Variants in SOX6 observed in about 807,000 individuals in gnomAD.
The protein encoded by SOX6 is transcription factor SOX-6.
SOX6 carries 11 observed loss-of-function variants against 97.8 expected under a neutral mutation model. The observed-to-expected ratio is 0.11, with a 90% CI of 0.07 to 0.19. The LOEUF (loss-of-function observed/expected upper bound fraction) is 0.19, where lower values mean the gene tolerates loss of function less well. Among genes scored for constraint, SOX6 ranks in the 10% least tolerant of loss-of-function variants. The pLI is 1.00. For synonymous variants in SOX6, 360 were observed against 371.4 expected (o/e 0.97, Z 0.35); for missense variants, 810 against 1,039.5 (o/e 0.78, Z 3.04).
At chr11:16,049,127 A>G (rs80054931) in intron 11 of SOX6, among the ~76,000 whole-genome samples, 1,841 of 152,282 alleles carry the variant, frequency 0.012, 36 homozygotes, top group African/African-American at 0.041. Context: ...TCTTGGGGTC[A>G]CATAGCTAGA....
intron 4 of SOX6, among the ~76,000 whole-genome samples, chr11:16,226,801 C>G (rs1292059461): frequency 6.6e-6 from 1 of 152,056 alleles, no homozygotes; most frequent in Non-Finnish European, 1.5e-5. Flanking sequence ...ACTGTATTAT[C>G]TATATCACTC....
chr11:16,573,337 T>G (rs1847955123), intron 4 of SOX6, among the ~76,000 whole-genome samples: 1 of 152,330 alleles, frequency 6.6e-6, no homozygotes, highest in East Asian at 1.9e-4. Context: ...TATTTTAATG[T>G]AAAACAATGC....
At chr11:16,497,181 T>C (rs553936402) in intron 4 of SOX6, among the ~76,000 whole-genome samples, 4 of 152,298 alleles carry the variant, frequency 2.6e-5, no homozygotes, top group African/African-American at 9.6e-5. Context: ...TTCTGCAGCC[T>C]CTGTTGCTGA....
At chr11:16,105,666 T>C (rs1849060651) in intron 7 of SOX6, among the ~76,000 whole-genome samples, 2 of 152,136 alleles carry the variant, frequency 1.3e-5, no homozygotes, top group Admixed American at 1.3e-4. Flanking sequence ...TAATGTTCAC[T>C]TTCACTGCTG....
intron 1 of SOX6, among the ~76,000 whole-genome samples, chr11:16,376,753 C>T (rs1857651876): frequency 1.3e-5 from 2 of 151,986 alleles, no homozygotes; most frequent in South Asian, 4.2e-4. Context: ...ACTTAAATTT[C>T]CCCCAGGCAA....
chr11:16,099,659 G>C (rs1848891798), intron 7 of SOX6, among the ~76,000 whole-genome samples: 1 of 150,062 alleles, frequency 6.7e-6, no homozygotes, highest in Non-Finnish European at 1.5e-5. Context: ...AGAATTCCCT[G>C]GGGCACTCCT....
At chr11:16,094,597 G>A (rs755042225) in intron 9 of SOX6, among the ~76,000 whole-genome samples, 3 of 151,900 alleles carry the variant, frequency 2.0e-5, no homozygotes, top group Non-Finnish European at 4.4e-5. Context: ...ACTGTCCTGA[G>A]TAGATAAGCT....
At chr11:16,289,260 T>C (rs979005280) in intron 3 of SOX6, among the ~76,000 whole-genome samples, 2 of 151,936 alleles carry the variant, frequency 1.3e-5, no homozygotes, top group African/African-American at 2.4e-5. Flanking sequence ...ATTAACAATT[T>C]CATACAACTC....
chr11:16,332,320 A>G (rs1856331192), intron 2 of SOX6, among the ~76,000 whole-genome samples: 1 of 152,268 alleles, frequency 6.6e-6, no homozygotes, highest in East Asian at 1.9e-4. Flanking sequence ...AAAAATTGAT[A>G]AATAAAAGTA....
At chr11:16,402,691 C>T (rs1858592422) in intron 1 of SOX6, 1 of 1,611,170 alleles carries the variant, frequency 6.2e-7, no homozygotes, top group East Asian at 2.2e-5. Flanking sequence ...TCCACCCACT[C>T]CTGTTTCACC....
intron 9 of SOX6, among the ~76,000 whole-genome samples, chr11:16,066,949 G>T (rs909386849): frequency 6.6e-6 from 1 of 151,984 alleles, no homozygotes; most frequent in African/African-American, 2.4e-5. Context: ...TTTAAGATTT[G>T]ACTGCCCTGC....
intron 9 of SOX6, among the ~76,000 whole-genome samples, chr11:16,076,857 C>A (rs1198789157): frequency 6.6e-6 from 1 of 150,428 alleles, no homozygotes; most frequent in East Asian, 2.0e-4. Flanking sequence ...GGGTTCACGC[C>A]ATTCTCCTGC....
chr11:16,014,800 T>C (rs1854832617), intron 13 of SOX6, 142 bp downstream of exon 13: 6 of 760,234 alleles, frequency 7.9e-6, no homozygotes, highest in Non-Finnish European at 1.4e-5. Context: ...ACATACGTAG[T>C]TGAAGAGTGA....
intron 3 of SOX6, among the ~76,000 whole-genome samples, chr11:16,699,374 C>T (rs1404971679): frequency 2.0e-5 from 3 of 152,124 alleles, no homozygotes; most frequent in Non-Finnish European, 2.9e-5. Flanking sequence ...CAGAACATCA[C>T]GCTGCCACCA....
intron 6 of SOX6, among the ~76,000 whole-genome samples, chr11:16,135,645 T>G (rs995382723): frequency 6.6e-6 from 1 of 152,208 alleles, no homozygotes. Context: ...AAAACCTTAA[T>G]GGATGTGAAG....
intron 4 of SOX6, among the ~76,000 whole-genome samples, chr11:16,502,673 G>A (rs1860726237): frequency 6.6e-6 from 1 of 151,960 alleles, no homozygotes; most frequent in Admixed American, 6.6e-5. Context: ...TTAAAATAAA[G>A]AAAAAAAGAA....
chr11:16,167,306 G>T (rs1850913107), intron 6 of SOX6, among the ~76,000 whole-genome samples: 1 of 151,974 alleles, frequency 6.6e-6, no homozygotes, highest in African/African-American at 2.4e-5. Flanking sequence ...CGTTGGCTTT[G>T]CTCTTACAAT....
At chr11:16,498,806 A>G (rs1389439143) in intron 4 of SOX6, among the ~76,000 whole-genome samples, 1 of 152,226 alleles carries the variant, frequency 6.6e-6, no homozygotes, top group East Asian at 1.9e-4. Context: ...CAGATTCATA[A>G]AGCAAGTCCT....
chr11:16,371,993 C>G (rs12790582), intron 1 of SOX6, among the ~76,000 whole-genome samples: 47,979 of 151,830 alleles, frequency 0.32, 8,523 homozygotes, highest in Non-Finnish European at 0.4. Context: ...TTATAAAAGG[C>G]ACCTAATATT....
Sources: gnomAD v4.1 joint callset for allele counts (sites outside exome capture counted in the v4.1 genomes callset) on GRCh38, gnomAD v4.1.1 for gene constraint, MANE v1.5 for transcripts, NCBI Gene and HGNC (gene_info 2026-07-23, HGNC 2026-07-21) for gene names.